Variants in C8orf34 observed in about 807,000 individuals in gnomAD.
C8orf34 encodes chromosome 8 open reading frame 34.
In C8orf34, 65 loss-of-function variants were observed where a neutral mutation model predicts 68.3. The observed-to-expected ratio is 0.95, with a 90% CI of 0.78 to 1.17. The LOEUF is 1.17. Ranked by LOEUF, C8orf34 falls within the 50% of genes most tolerant of loss-of-function variation. C8orf34 has a pLI of 0.00. For missense variants in C8orf34, 664 were observed against 655.4 expected (o/e 1.01, Z -0.14); for synonymous variants, 244 against 241.2 (o/e 1.01, Z -0.11).
chr8:68,803,755 T>C (rs1339407805), intron 12 of C8orf34, among the ~76,000 whole-genome samples: 1 of 152,174 alleles, frequency 6.6e-6, no homozygotes, highest in African/African-American at 2.4e-5. Flanking sequence ...CAGGTAATAA[T>C]GATTGAGCTT....
At chr8:68,783,185 G>A (rs1193805824) in intron 11 of C8orf34, among the ~76,000 whole-genome samples, 1 of 152,072 alleles carries the variant, frequency 6.6e-6, no homozygotes, top group Non-Finnish European at 1.5e-5. Context: ...AAGTCAAGCT[G>A]GGGACTGCTG....
intron 10 of C8orf34, among the ~76,000 whole-genome samples, chr8:68,732,608 C>A: frequency 6.6e-6 from 1 of 152,010 alleles, no homozygotes. Flanking sequence ...TACAGAGAAG[C>A]TATATTTTTC....
At chr8:68,739,794 GAAAC>G (rs567221029) in intron 10 of C8orf34, among the ~76,000 whole-genome samples, 12 of 152,120 alleles carry the variant, frequency 7.9e-5, no homozygotes, top group South Asian at 2.1e-4. Context: ...GCAATCCTAA[GAAAC>G]AAACAAACAA....
chr8:68,512,520 A>C (rs1487172667), intron 5 of C8orf34, among the ~76,000 whole-genome samples: 2 of 152,192 alleles, frequency 1.3e-5, no homozygotes, highest in African/African-American at 4.8e-5. Context: ...ATATTATGAA[A>C]TAGAATTCCA....
chr8:68,571,087 G>GTCTACTA (rs1816747850), intron 7 of C8orf34, among the ~76,000 whole-genome samples: 1 of 152,104 alleles, frequency 6.6e-6, no homozygotes, highest in Non-Finnish European at 1.5e-5. Context: ...AGGAGAGTAG[G>GTCTACTA]ACCCTGGAGG....
intron 8 of C8orf34, among the ~76,000 whole-genome samples, chr8:68,647,084 CA>C (rs1194263764): frequency 7.2e-5 from 11 of 152,200 alleles, no homozygotes; most frequent in Admixed American, 3.3e-4. Flanking sequence ...GGAACTCAAA[CA>C]ACTCAATAAC....
intron 8 of C8orf34, among the ~76,000 whole-genome samples, chr8:68,691,043 C>T (rs139919939): frequency 6.6e-6 from 1 of 152,136 alleles, no homozygotes; most frequent in African/African-American, 2.4e-5. Context: ...CCTTTTTGCA[C>T]CTGCTGGTTT....
At chr8:68,592,995 A>T (rs762380504) in intron 7 of C8orf34, among the ~76,000 whole-genome samples, 3 of 152,114 alleles carry the variant, frequency 2.0e-5, no homozygotes, top group Non-Finnish European at 4.4e-5. Flanking sequence ...AAGGGAATGC[A>T]TCTCAAGTTA....
At chr8:68,724,991 C>G (rs1267842481) in intron 10 of C8orf34, among the ~76,000 whole-genome samples, 1 of 151,974 alleles carries the variant, frequency 6.6e-6, no homozygotes, top group Non-Finnish European at 1.5e-5. Flanking sequence ...CCTCAGCCTC[C>G]TGGGTAGCTG....
chr8:68,556,647 G>A (rs766233120), intron 7 of C8orf34, among the ~76,000 whole-genome samples: 5 of 152,106 alleles, frequency 3.3e-5, no homozygotes, highest in Admixed American at 6.5e-5. Flanking sequence ...TGGAGAGGAC[G>A]ACCCTGCGAA....
intron 1 of C8orf34, among the ~76,000 whole-genome samples, chr8:68,341,411 A>T (rs1013358210): frequency 6.6e-6 from 1 of 152,200 alleles, no homozygotes; most frequent in Admixed American, 6.5e-5. Context: ...CTTAAAGTAT[A>T]CCACAGATTT....
intron 6 of C8orf34, chr8:68,525,792 T>A (rs1032906041): frequency 4.1e-6 from 2 of 482,422 alleles, no homozygotes; most frequent in Non-Finnish European, 8.0e-6. Context: ...TTCATCACAG[T>A]GAGAAACAGG....
At chr8:68,638,481 ATTG>A (rs1478773386) in intron 7 of C8orf34, among the ~76,000 whole-genome samples, 4 of 151,918 alleles carry the variant, frequency 2.6e-5, no homozygotes, top group Non-Finnish European at 5.9e-5. Context: ...TAGCTTCTGT[ATTG>A]TTTATATTTT....
chr8:68,330,801 ACACACACGCACGCACG>A, upstream of C8orf34: 1 of 474,548 alleles, frequency 2.1e-6, no homozygotes. Context: ...ACGGACACAC[ACACACACGCACGCACG>A]CACACACACC....
chr8:68,604,242 G>C (rs1374492673), intron 7 of C8orf34, among the ~76,000 whole-genome samples: 1 of 151,734 alleles, frequency 6.6e-6, no homozygotes, highest in Non-Finnish European at 1.5e-5. Flanking sequence ...CAAAGATCCA[G>C]GGGTGCTGGG....
At chr8:68,348,595 G>C (rs112392473) in intron 1 of C8orf34, among the ~76,000 whole-genome samples, 1,645 of 152,186 alleles carry the variant, frequency 0.011, 44 homozygotes, top group East Asian at 0.1. Flanking sequence ...CTATCCATGA[G>C]CATGGGATGT....
chr8:68,503,972 G>A (rs1284922063), intron 5 of C8orf34, among the ~76,000 whole-genome samples: 1 of 151,994 alleles, frequency 6.6e-6, no homozygotes, highest in South Asian at 2.1e-4. Flanking sequence ...AAAGTATATG[G>A]TTTAGTAGTT....
intron 3 of C8orf34, among the ~76,000 whole-genome samples, chr8:68,449,153 T>C (rs74376683): frequency 0.029 from 4,424 of 152,218 alleles, 93 homozygotes; most frequent in Middle Eastern, 0.11. Context: ...GTTAGTCACA[T>C]GGAAAAACAA....
intron 7 of C8orf34, among the ~76,000 whole-genome samples, chr8:68,560,516 T>C (rs1816390017): frequency 6.6e-6 from 1 of 152,188 alleles, no homozygotes; most frequent in South Asian, 2.1e-4. Context: ...GATTTAGTCT[T>C]TGTGTGAACA....
Sources: gnomAD v4.1 joint callset for allele counts (sites outside exome capture counted in the v4.1 genomes callset) on GRCh38, gnomAD v4.1.1 for gene constraint, MANE v1.5 for transcripts, NCBI Gene and HGNC (gene_info 2026-07-23, HGNC 2026-07-21) for gene names.